ZMYND15: variants seen among roughly 807,000 people sequenced by gnomAD.
The protein encoded by ZMYND15 is zinc finger MYND domain-containing protein 15.
ZMYND15 carries 54 observed loss-of-function variants against 81.7 expected under a neutral mutation model. The observed-to-expected ratio is 0.66, with a 90% CI of 0.53 to 0.83. The LOEUF (loss-of-function observed/expected upper bound fraction) is 0.83. Among genes scored for constraint, ZMYND15 ranks in the 40% least tolerant of loss-of-function variants. The probability of loss-of-function intolerance (pLI) is 0.00; values close to 1 mark genes in which losing one functional copy is unlikely to be tolerated. For synonymous variants in ZMYND15, 399 were observed against 387.0 expected (o/e 1.03, Z -0.36); for missense variants, 925 against 973.5 (o/e 0.95, Z 0.66).
Position 4,741,900 on chromosome 17 carries a change from C to A in ZMYND15, c.828-15C>A, listed in dbSNP as rs376470522. The A allele has an allele frequency of 6.9e-5, 112 of 1,611,966 alleles. No individual in the cohort carries two copies. The highest frequency in any genetic ancestry group is 1.5e-4 in the Admixed American group (9 of 59,878). ...TCCTCCAGCCTGATGCCATCTCCCC[C>A]CCAACTGCATTTAGAGAGCTGGAGA... On this transcript the variant is annotated splice_polypyrimidine_tract_variant and intron_variant, in intron 3 of 13. Transcript: ENST00000433935.
At chr17:4,742,143 C>T (rs986734816) in intron 4 of ZMYND15, 73 bp downstream of exon 4, 103 of 1,431,686 alleles carry the variant, frequency 7.2e-5, no homozygotes, top group African/African-American at 8.7e-5. Context: ...TGGTGGGGGG[C>T]GCCTAGCAGA....
Position 4,741,813 on chromosome 17 carries a change from A to G in ZMYND15, c.824A>G (p.His275Arg), listed in dbSNP as rs767326671. ...RQLTVGDARLHRELESLVPRL... is the reference protein window; with the variant it reads ...RQLTVGDARLRRELESLVPRL... ...CTTACTGTGGGAGATGCCCGGCTGC[A>G]TCGGTATAGAAATCTGGTATCTGAG... The change falls in exon 3 of 14, where the codon CAT becomes CGT. Residue 275 changes from histidine (H) to arginine (R), a missense_variant. Transcript: ENST00000433935. The G allele has an allele frequency of 1.9e-6, 3 of 1,573,616 alleles. No individual in the cohort carries two copies. The highest frequency in any genetic ancestry group is 2.3e-5 in the South Asian group (2 of 85,196).
rs1236541206 is a variant in ZMYND15 at position 4,741,955 on chromosome 17, G to C, written c.868G>C (p.Ala290Pro). 6.2e-7 allele frequency: 1 copy of C among 1,614,096 alleles called. No individual in the cohort carries two copies. Among genetic ancestry groups the C allele is most frequent in the Non-Finnish European group, 8.5e-7 (1 of 1,180,050 alleles). The change falls in exon 4 of 14, where the codon GCC becomes CCC. Residue 290 changes from alanine to proline, a missense_variant. By Grantham distance (27) the Ala-to-Pro change is conservative. Coordinates refer to ENST00000433935, the MANE Select transcript of ZMYND15 (RefSeq NM_001136046.3). ...SLVPRLGVKL[A>P]KTPMRTWGPR... ...GGTCCCAAGGCTAGGTGTGAAGTTAGCCAAAACCCCAATGCGGACATGGGG... is the reference window on the plus strand; with the variant it reads ...GGTCCCAAGGCTAGGTGTGAAGTTACCCAAAACCCCAATGCGGACATGGGG...
rs138467892 is a variant in ZMYND15 at position 4,745,169 on chromosome 17, T to C, written c.1897-46T>C. The C allele has an allele frequency of 2.3e-4, 379 of 1,613,136 alleles. No homozygotes were observed. In the East Asian group the frequency reaches 4.6e-3, roughly 19 times the overall value. Reference sequence around the variant, plus strand: ...CGGTCTGTCATTCTGGCTGCTGGGATGGATTTGGGGAGGGGCCTCTCAGAG... The same window carrying C: ...CGGTCTGTCATTCTGGCTGCTGGGACGGATTTGGGGAGGGGCCTCTCAGAG... On this transcript the variant is annotated intron_variant, in intron 12 of 13. Coordinates refer to ENST00000433935, the MANE Select transcript of ZMYND15 (RefSeq NM_001136046.3). The surrounding 1 kb of genome is among the most constrained non-coding windows in gnomAD (Gnocchi z 5.2).
In ZMYND15 at chr17:4,744,019, G is replaced by T. The variant is rs1286082563; in HGVS notation, c.1407G>T (p.Arg469=). The change falls in exon 8 of 14, where the codon CGG becomes CGT. Residue 469 remains arginine (R), a synonymous_variant. Transcript: ENST00000433935. This position sits in a 1 kb window ranked among gnomAD's most constrained non-coding sequence, Gnocchi z 4.1. ...FGSWQDYYTW[R]GLSLDSPIAV... is the part of the protein sequence containing the mutation. ...CATGGCAGGATTACTACACATGGCGGGGCCTCAGCTTGGACTCCCCCATAG... is the reference window on the plus strand; with the variant it reads ...CATGGCAGGATTACTACACATGGCGTGGCCTCAGCTTGGACTCCCCCATAG... 1.9e-6 allele frequency: 3 copies of T among 1,553,204 alleles called. No individual in the cohort carries two copies. The highest frequency in any genetic ancestry group is 4.9e-5 in the East Asian group (2 of 40,932).
rs146112557 is a variant in ZMYND15, at chr17:4,742,038, C to A, written c.951C>A (p.His317Gln). 3.1e-6 allele frequency: 5 copies of A among 1,614,074 alleles called. No homozygotes were observed. In the African/African-American group the frequency reaches 6.7e-5, roughly 22 times the overall value. The stretch of plus-strand genomic sequence containing the variant: ...GTGCTCGAACCTGCCATGTGTGTCA[C>A]AGGCACAGCTTTGAAGCGAAGCTGA... Reference protein sequence around the residue: ...SLRARTCHVCHRHSFEAKLTP... With the variant: ...SLRARTCHVCQRHSFEAKLTP... The change falls in exon 4 of 14, where the codon CAC (histidine) becomes CAA (glutamine). Residue 317 changes from histidine (H) to glutamine (Q), a missense_variant. Transcript: ENST00000433935.
chr17:4,745,438 T>G lies in ZMYND15; in HGVS notation c.2057+63T>G. ...ACTTCTCTTACTCTCTGGCTCCACA[T>G]CCTCGAAGGCCCACCTCTACCCTAG... On this transcript the variant is annotated intron_variant, in intron 13 of 13. Transcript: ENST00000433935. This position sits in a 1 kb window ranked among gnomAD's most constrained non-coding sequence, Gnocchi z 5.2. 6.5e-7 allele frequency: 1 copy of G among 1,531,754 alleles called. No individual in the cohort carries two copies. The highest frequency in any genetic ancestry group is 8.8e-7 in the Non-Finnish European group (1 of 1,138,938). 94.9% of individuals were successfully genotyped at this position (1,531,754 alleles called of 1,614,324 possible).
Position 4,743,954 on chromosome 17 carries a change from T to A in ZMYND15, c.1379-37T>A. ...TTTGTTAGACTAGAGGGGGTGGGGG[T>A]CCAGGGCCAGGTCCTCTAGCAACCC... On this transcript the variant is annotated intron_variant, in intron 7 of 13. Transcript: ENST00000433935. This position sits in a 1 kb window ranked among gnomAD's most constrained non-coding sequence, Gnocchi z 4.3. 1 of 1,556,996 alleles carries A rather than the reference T, an allele frequency of 6.4e-7. No individual in the cohort carries two copies. Among genetic ancestry groups the A allele is most frequent in the Non-Finnish European group, 8.7e-7 (1 of 1,148,352 alleles).
At position 4,742,317 on chromosome 17, in the gene ZMYND15, C is replaced by T. The variant is rs4790697; in HGVS notation, c.984-14C>T. 0.052 allele frequency: 84,237 copies of T among 1,612,510 alleles called. 2,581 individuals carry two copies. The highest frequency in any genetic ancestry group is 0.12 in the Admixed American group (6,914 of 59,966). ...AGGTTAACACTAGGTGCCCACCACCCGCTGTGTCCCCAGCCCCCAGTGTAG... is the reference window on the plus strand; with the variant it reads ...AGGTTAACACTAGGTGCCCACCACCTGCTGTGTCCCCAGCCCCCAGTGTAG... On this transcript the variant is annotated splice_polypyrimidine_tract_variant and intron_variant, in intron 4 of 13. Transcript: ENST00000433935.
In ZMYND15 at chr17:4,743,599, C is replaced by T; in HGVS notation, c.1297+144C>T. On this transcript the variant is annotated intron_variant, in intron 6 of 13. Coordinates refer to ENST00000433935, the MANE Select transcript of ZMYND15 (RefSeq NM_001136046.3). This position sits in a 1 kb window ranked among gnomAD's most constrained non-coding sequence, Gnocchi z 4.3. ...GCCATTTCAGGCCTTTCCCAGCCCTCAATGGAATCACCCCTACCAACTCCA... is the reference window on the plus strand; with the variant it reads ...GCCATTTCAGGCCTTTCCCAGCCCTTAATGGAATCACCCCTACCAACTCCA... 1 of 1,344,680 alleles carries T rather than the reference C, an allele frequency of 7.4e-7. No individual in the cohort carries two copies. The highest frequency in any genetic ancestry group is 1.4e-5 in the South Asian group (1 of 72,076). The allele number at this position is 1,344,680 out of a possible 1,614,324, so 83.3% of individuals were successfully genotyped here.
In ZMYND15 at chr17:4,745,764, C is replaced by CGT; in HGVS notation, c.2058-55_2058-54insGT. On this transcript the variant is annotated intron_variant, in intron 13 of 13. Transcript: ENST00000433935. The surrounding 1 kb of genome is among the most constrained non-coding windows in gnomAD (Gnocchi z 5.2). ...CTGGGAGCCCCGACCCCTGGGAGCGCCGACCCCTGGGAGTCCCGCCCCGTG... is the reference window on the plus strand; with the variant it reads ...CTGGGAGCCCCGACCCCTGGGAGCGCGTCGACCCCTGGGAGTCCCGCCCCGTG... The CGT allele has an allele frequency of 6.8e-7, 1 of 1,476,912 alleles. No individual in the cohort carries two copies. Among genetic ancestry groups the CGT allele is most frequent in the Non-Finnish European group, 9.1e-7 (1 of 1,098,362 alleles). The allele number at this position is 1,476,912 out of a possible 1,614,324, so 91.5% of individuals were successfully genotyped here. A position where few individuals can be genotyped will look rare whatever the true frequency, so the allele number is the denominator to read the frequency against.
chr17:4,743,539 C>G lies in ZMYND15; in HGVS notation c.1297+84C>G. On this transcript the variant is annotated intron_variant, in intron 6 of 13. Transcript: ENST00000433935. The surrounding 1 kb of genome is among the most constrained non-coding windows in gnomAD (Gnocchi z 4.3). The stretch of plus-strand genomic sequence containing the variant: ...GTTGTCTGGGTCCCAGATGATCCCT[C>G]CACATACACACTGACCCCTACCAAC... 6.4e-7 allele frequency: 1 copy of G among 1,564,528 alleles called. No individual in the cohort carries two copies. Among genetic ancestry groups the G allele is most frequent in the Non-Finnish European group, 8.7e-7 (1 of 1,154,908 alleles).
rs548463322 is a variant in ZMYND15 at position 4,744,593 on chromosome 17, G to A, written c.1684-32G>A. The A allele has an allele frequency of 1.2e-5, 19 of 1,603,856 alleles. No individual in the cohort carries two copies. In the South Asian group the frequency reaches 1.7e-4, roughly 14 times the overall value. On this transcript the variant is annotated intron_variant, in intron 10 of 13. Coordinates refer to ENST00000433935, the MANE Select transcript of ZMYND15 (RefSeq NM_001136046.3). The surrounding 1 kb of genome is among the most constrained non-coding windows in gnomAD (Gnocchi z 4.1). Reference sequence around the variant, plus strand: ...ATCCTCCAGTTCCCTGACTTCCAGTGGCTTTTCCACCCCACTCCTGGGGCC... The same window carrying A: ...ATCCTCCAGTTCCCTGACTTCCAGTAGCTTTTCCACCCCACTCCTGGGGCC...
Position 4,745,789 on chromosome 17 carries a change from G to A in ZMYND15, c.2058-30G>A, listed in dbSNP as rs1261291602. 7.7e-6 allele frequency: 12 copies of A among 1,564,638 alleles called. No homozygotes were observed. Among genetic ancestry groups the A allele is most frequent in the Admixed American group, 1.9e-5 (1 of 51,960 alleles). Reference sequence around the variant, plus strand: ...CCGACCCCTGGGAGTCCCGCCCCGTGGTCCCTGACTGCGCCCCGCGCCCCC... The same window carrying A: ...CCGACCCCTGGGAGTCCCGCCCCGTAGTCCCTGACTGCGCCCCGCGCCCCC... On this transcript the variant is annotated intron_variant, in intron 13 of 13. Coordinates refer to ENST00000433935, the MANE Select transcript of ZMYND15 (RefSeq NM_001136046.3). The surrounding 1 kb of genome is among the most constrained non-coding windows in gnomAD (Gnocchi z 5.2).
intron 1 of ZMYND15, chr17:4,740,282 C>A: frequency 1.5e-6 from 1 of 687,930 alleles, no homozygotes; most frequent in Admixed American, 4.2e-5. Flanking sequence ...CCCCAAATAC[C>A]ATCTCATCCC....
At position 4,741,790 on chromosome 17, in the gene ZMYND15, T is replaced by A. The variant is rs375528301; in HGVS notation, c.801T>A (p.Leu267=). The change falls in exon 3 of 14, where the codon CTT becomes CTA. Residue 267 remains leucine (L), a synonymous_variant. Transcript: ENST00000433935. Reference sequence around the variant, plus strand: ...GGGATCCCCGAAAGCCCCGACAGCTTACTGTGGGAGATGCCCGGCTGCATC... The same window carrying A: ...GGGATCCCCGAAAGCCCCGACAGCTAACTGTGGGAGATGCCCGGCTGCATC... ...GSGDPRKPRQ[L]TVGDARLHRE... The A allele has an allele frequency of 6.3e-7, 1 of 1,578,578 alleles. No individual in the cohort carries two copies. The highest frequency in any genetic ancestry group is 8.6e-7 in the Non-Finnish European group (1 of 1,160,752).
In ZMYND15 at chr17:4,743,701, G is replaced by A; in HGVS notation, c.1298-66G>A. 6.7e-7 allele frequency: 1 copy of A among 1,501,026 alleles called. No homozygotes were observed. Among genetic ancestry groups the A allele is most frequent in the South Asian group, 1.2e-5 (1 of 82,212 alleles). The allele number at this position is 1,501,026 out of a possible 1,614,324, so 93.0% of individuals were successfully genotyped here. The stretch of plus-strand genomic sequence containing the variant: ...TCAGGGAATACAGCCCCTTTGGAAG[G>A]AAGAAAGAGATGGGTCAGGTGGGGG... On this transcript the variant is annotated intron_variant, in intron 6 of 13. Transcript: ENST00000433935. The surrounding 1 kb of genome is among the most constrained non-coding windows in gnomAD (Gnocchi z 4.3).
At position 4,744,615 on chromosome 17, in the gene ZMYND15, G is replaced by A; in HGVS notation, c.1684-10G>A. ...AGTGGCTTTTCCACCCCACTCCTGGGGCCCCTCAGGACAGCCTGGAGGTGT... is the reference window on the plus strand; with the variant it reads ...AGTGGCTTTTCCACCCCACTCCTGGAGCCCCTCAGGACAGCCTGGAGGTGT... On this transcript the variant is annotated splice_polypyrimidine_tract_variant and intron_variant, in intron 10 of 13. Coordinates refer to ENST00000433935, the MANE Select transcript of ZMYND15 (RefSeq NM_001136046.3). The surrounding 1 kb of genome is among the most constrained non-coding windows in gnomAD (Gnocchi z 4.1). 1 of 1,607,496 alleles carries A rather than the reference G, an allele frequency of 6.2e-7. No homozygotes were observed. The highest frequency in any genetic ancestry group is 8.5e-7 in the Non-Finnish European group (1 of 1,177,286).
Position 4,745,088 on chromosome 17 carries a change from C to A in ZMYND15, c.1897-127C>A. On this transcript the variant is annotated intron_variant, in intron 12 of 13. Coordinates refer to ENST00000433935, the MANE Select transcript of ZMYND15 (RefSeq NM_001136046.3). This position sits in a 1 kb window ranked among gnomAD's most constrained non-coding sequence, Gnocchi z 5.2. ...CCCCTGCCTCTCTCTGTGTCTGTCTCCGTCCTCCCCCTGCTCCCCTCCGCC... is the reference window on the plus strand; with the variant it reads ...CCCCTGCCTCTCTCTGTGTCTGTCTACGTCCTCCCCCTGCTCCCCTCCGCC... 1 of 1,558,490 alleles carries A rather than the reference C, an allele frequency of 6.4e-7. No individual in the cohort carries two copies.
Sources: gnomAD v4.1 joint callset for allele counts on GRCh38, gnomAD v4.1.1 for gene constraint, Gnocchi (gnomAD v3.1) non-coding constraint, MANE v1.5 for transcripts, NCBI Gene and HGNC (gene_info 2026-07-23, HGNC 2026-07-21) for gene names.